The following EPHB2 variants were observed in gnomAD, a reference collection of about 807,000 sequenced individuals.
EPHB2 encodes the protein ephrin type-B receptor 2.
In EPHB2, 18 loss-of-function variants were observed where a neutral mutation model predicts 96.4. The observed-to-expected ratio is 0.19, with a 90% CI of 0.13 to 0.28. The LOEUF (loss-of-function observed/expected upper bound fraction) is 0.28. Among genes scored for constraint, EPHB2 ranks in the 10% least tolerant of loss-of-function variants. EPHB2 has a pLI of 1.00. For synonymous variants in EPHB2, 506 were observed against 534.1 expected, an observed-to-expected ratio of 0.95 and a Z score of 0.72; for missense variants, 989 against 1,355.4, an observed-to-expected ratio of 0.73 and a Z score of 4.25.
chr1:22,865,646 T>G (rs891381325), intron 5 of EPHB2, among the ~76,000 whole-genome samples: 2 of 152,182 alleles, frequency 1.3e-5, no homozygotes, highest in Non-Finnish European at 2.9e-5. Flanking sequence ...CTCAGGCATG[T>G]CTGTGCGAAG....
chr1:22,824,640 C>T (rs1645197892), intron 3 of EPHB2, among the ~76,000 whole-genome samples: 1 of 152,222 alleles, frequency 6.6e-6, no homozygotes, highest in South Asian at 2.1e-4. Context: ...AATGAAGCCC[C>T]GGAGAAGGGC....
rs1187165485 is a variant in EPHB2 at position 22,784,333 on chromosome 1, C to T, written c.127-59C>T. The T allele has an allele frequency of 1.9e-6, 3 of 1,546,426 alleles. No individual in the cohort carries two copies. Among genetic ancestry groups the T allele is most frequent in the Admixed American group, 3.4e-5 (2 of 59,196 alleles). On this transcript the variant is annotated intron_variant, in intron 2 of 15. Coordinates refer to ENST00000374630, the MANE Select transcript of EPHB2 (RefSeq NM_017449.5). This position sits in a 1 kb window ranked among gnomAD's most constrained non-coding sequence, Gnocchi z 5.1. ...CAGAGTCTGTGTCTTCCACCTTAGACTGAGTGTGTGCTGGGGCTGAGCCCT... is the reference window on the plus strand; with the variant it reads ...CAGAGTCTGTGTCTTCCACCTTAGATTGAGTGTGTGCTGGGGCTGAGCCCT...
intron 6 of EPHB2, among the ~76,000 whole-genome samples, chr1:22,885,477 G>A (rs539362027): frequency 1.1e-4 from 16 of 152,342 alleles, no homozygotes; most frequent in African/African-American, 2.9e-4. Context: ...CAGCAGCCAA[G>A]GTTACCATCT....
intron 3 of EPHB2, among the ~76,000 whole-genome samples, chr1:22,788,561 C>A (rs905157478): frequency 1.3e-5 from 2 of 152,130 alleles, no homozygotes; most frequent in East Asian, 1.9e-4. Context: ...TAACATTGGC[C>A]AAGTGCTTTC....
intron 1 of EPHB2, among the ~76,000 whole-genome samples, chr1:22,749,413 C>T (rs918951124): frequency 1.4e-4 from 21 of 152,328 alleles, no homozygotes; most frequent in African/African-American, 4.8e-4. Flanking sequence ...TGCATTTCTT[C>T]TAGAACTCTC....
At chr1:22,826,244 T>C (rs1306681155) in intron 3 of EPHB2, among the ~76,000 whole-genome samples, 2 of 152,128 alleles carry the variant, frequency 1.3e-5, no homozygotes, top group Non-Finnish European at 2.9e-5. Context: ...GTGCACTCTT[T>C]AGAAAAAGGT....
chr1:22,782,980 G>T (rs1034449609), intron 2 of EPHB2, among the ~76,000 whole-genome samples: 2 of 152,110 alleles, frequency 1.3e-5, no homozygotes, highest in Non-Finnish European at 2.9e-5. Context: ...ACCCACTTGA[G>T]GGTGACACCT....
intron 1 of EPHB2, among the ~76,000 whole-genome samples, chr1:22,767,076 C>G (rs1644317293): frequency 6.6e-6 from 1 of 152,238 alleles, no homozygotes; most frequent in African/African-American, 2.4e-5. Context: ...GACATAGCCT[C>G]TCCTTGTGCC....
intron 3 of EPHB2, among the ~76,000 whole-genome samples, chr1:22,798,171 A>G (rs1158633215): frequency 2.0e-5 from 3 of 152,088 alleles, no homozygotes; most frequent in Non-Finnish European, 4.4e-5. Flanking sequence ...CTCAATAAAT[A>G]CTTGTTGCAG....
chr1:22,790,573 C>T lies in EPHB2; in HGVS notation c.811+5497C>T, dbSNP rs1644676286. Among the ~76,000 whole-genome samples the T allele has an allele frequency of 6.6e-6, 1 of 152,206 alleles. No individual in the cohort carries two copies. The highest frequency in any genetic ancestry group is 2.1e-4 in the South Asian group (1 of 4,830). Reference sequence around the variant, plus strand: ...CCCCAGTTTCTCCAAGCCTGCCTGTCTCCAGATCCCTGTTCTCCTTGGTCT... The same window carrying T: ...CCCCAGTTTCTCCAAGCCTGCCTGTTTCCAGATCCCTGTTCTCCTTGGTCT... On this transcript the variant is annotated intron_variant, in intron 3 of 15. Coordinates refer to ENST00000374630, the MANE Select transcript of EPHB2 (RefSeq NM_017449.5). The surrounding 1 kb of genome is among the most constrained non-coding windows in gnomAD (Gnocchi z 4.0).
chr1:22,824,280 G>A (rs995387829), intron 3 of EPHB2, among the ~76,000 whole-genome samples: 1 of 150,574 alleles, frequency 6.6e-6, no homozygotes, highest in African/African-American at 2.4e-5. Context: ...AGGGAGGGAG[G>A]GAAGAAGGAA....
In EPHB2 at chr1:22,910,456, G is replaced by T; in HGVS notation, c.2577G>T (p.Met859Ile). Residue 859 changes from methionine (M) to isoleucine (I), a missense_variant, in exon 14 of 16, where the codon ATG (methionine) becomes ATT (isoleucine). Met to Ile is a conservative substitution (Grantham distance 10). Coordinates refer to ENST00000374630, the MANE Select transcript of EPHB2 (RefSeq NM_017449.5). ...GCCCGAGCGCCCTGCACCAACTCAT[G>T]CTGGACTGTTGGCAGAAGGACCGCA... ...MDCPSALHQL[M>I]LDCWQKDRNH... is the part of the protein sequence containing the mutation. The T allele has an allele frequency of 6.2e-7, 1 of 1,614,236 alleles. No homozygotes were observed. Among genetic ancestry groups the T allele is most frequent in the Non-Finnish European group, 8.5e-7 (1 of 1,180,034 alleles).
intron 9 of EPHB2, among the ~76,000 whole-genome samples, chr1:22,903,862 C>T (rs1452379933): frequency 1.3e-5 from 2 of 152,188 alleles, no homozygotes; most frequent in Non-Finnish European, 2.9e-5. Flanking sequence ...TGTCCATTTC[C>T]TCCTCCCAGG....
At chr1:22,825,539 C>T (rs970735825) in intron 3 of EPHB2, among the ~76,000 whole-genome samples, 1 of 152,234 alleles carries the variant, frequency 6.6e-6, no homozygotes. Context: ...TGGGCTTACA[C>T]CTCACTCCCA....
intron 1 of EPHB2, among the ~76,000 whole-genome samples, chr1:22,744,343 C>T (rs1400354252): frequency 6.6e-6 from 1 of 151,844 alleles, no homozygotes; most frequent in African/African-American, 2.4e-5. Context: ...TAACATTTGA[C>T]TCCCCAAAAA....
At chr1:22,894,536 G>A (rs1175218844) in intron 7 of EPHB2, among the ~76,000 whole-genome samples, 1 of 151,484 alleles carries the variant, frequency 6.6e-6, no homozygotes, top group African/African-American at 2.4e-5. Flanking sequence ...AGCAGAGGTT[G>A]CAGTGAGCCG....
rs372883893 is a variant in EPHB2 at position 22,825,137 on chromosome 1, A to G, written c.812-37900A>G. Among the ~76,000 whole-genome samples, 16 of 152,324 alleles carry G rather than the reference A, an allele frequency of 1.1e-4. No individual in the cohort carries two copies. In the South Asian group the frequency reaches 3.3e-3, roughly 32 times the overall value. On this transcript the variant is annotated intron_variant, in intron 3 of 15. Coordinates refer to ENST00000374630, the MANE Select transcript of EPHB2 (RefSeq NM_017449.5). ...TGGACATAAGCTCCGATTCAGGTAA[A>G]CCTGGATTCCTGTGTGACCTTAGGA... is the stretch of plus-strand genomic sequence containing the variant.
intron 3 of EPHB2, among the ~76,000 whole-genome samples, chr1:22,834,051 T>TAAA (rs10644844): frequency 2.3e-3 from 354 of 150,700 alleles, no homozygotes; most frequent in African/African-American, 6.3e-3. Context: ...CAAAACACTT[T>TAAA]AAAAAAAAAA....
In EPHB2 at chr1:22,743,622, C is replaced by T. The variant is rs1332625615; in HGVS notation, c.61+32579C>T. On this transcript the variant is annotated intron_variant, in intron 1 of 15. Transcript: ENST00000374630. ...AAGTAGCTGGGATTATAGGCACGCACCACCACACCCAACTAATTTTTGTGT... is the reference window on the plus strand; with the variant it reads ...AAGTAGCTGGGATTATAGGCACGCATCACCACACCCAACTAATTTTTGTGT... 4.0e-4 allele frequency among the ~76,000 whole-genome samples: 61 copies of T among 152,260 alleles called. 1 individual carries two copies. The highest frequency in any genetic ancestry group is 1.5e-5 in the Non-Finnish European group (1 of 68,032).
Sources: allele counts gnomAD v4.1 joint callset (sites outside exome capture counted in the v4.1 genomes callset), GRCh38; gene constraint gnomAD v4.1.1; non-coding constraint Gnocchi (gnomAD v3.1); transcripts MANE v1.5; gene names NCBI Gene and HGNC (gene_info 2026-07-23, HGNC 2026-07-21).